The following TRAPPC9 variants were observed in gnomAD, a reference collection of about 807,000 sequenced individuals.
TRAPPC9 encodes IKK2 binding protein.
TRAPPC9 carries 83 observed loss-of-function variants against 124.0 expected under a neutral mutation model. That is an observed-to-expected ratio of 0.67 (90% CI 0.56 to 0.80). TRAPPC9 has a LOEUF of 0.80. Ranked by LOEUF, TRAPPC9 falls within the 30% of genes least tolerant of loss-of-function variation. The pLI, the probability that TRAPPC9 is intolerant of heterozygous loss-of-function variation, is 0.00. For missense variants in TRAPPC9, 1,302 were observed against 1,508.3 expected (o/e 0.86, Z 2.27); for synonymous variants, 638 against 617.5 (o/e 1.03, Z -0.49).
At chr8:140,033,681 T>TTTTTTTG (rs1840679779) in intron 17 of TRAPPC9, among the ~76,000 whole-genome samples, 1 of 117,320 alleles carries the variant, frequency 8.5e-6, no homozygotes, top group Non-Finnish European at 1.7e-5. Context: ...TTTTTTTTTT[T>TTTTTTTG]TTTTTTTTTT....
intron 18 of TRAPPC9, among the ~76,000 whole-genome samples, chr8:139,996,176 A>AAAAAAAAAAAAAG (rs1563675087): frequency 3.5e-5 from 5 of 144,810 alleles, no homozygotes; most frequent in Non-Finnish European, 6.1e-5. Flanking sequence ...AAAAAAAAAA[A>AAAAAAAAAAAAAG]AAAAAAGAAA....
intron 7 of TRAPPC9, among the ~76,000 whole-genome samples, chr8:140,389,376 T>C (rs1326430182): frequency 6.6e-6 from 1 of 152,092 alleles, no homozygotes; most frequent in African/African-American, 2.4e-5. Context: ...TATAAAACAA[T>C]AAAAGCAATC....
chr8:140,311,210 G>A (rs2066286692), intron 10 of TRAPPC9, 38 bp downstream of exon 10: 3 of 1,604,786 alleles, frequency 1.9e-6, no homozygotes, highest in Non-Finnish European at 2.5e-6. Context: ...GTGTCCCAGA[G>A]GGCAGCTGCC....
chr8:139,887,147 C>T (rs1038658356), intron 20 of TRAPPC9, among the ~76,000 whole-genome samples: 2 of 151,850 alleles, frequency 1.3e-5, no homozygotes, highest in Non-Finnish European at 2.9e-5. Flanking sequence ...AGCAGCAGGA[C>T]AGGCTAAGGT....
intron 18 of TRAPPC9, among the ~76,000 whole-genome samples, chr8:140,005,541 T>C (rs1838693247): frequency 6.6e-6 from 1 of 152,142 alleles, no homozygotes; most frequent in Admixed American, 6.5e-5. Flanking sequence ...CTAGTCACTG[T>C]GAACAGTGTT....
intron 5 of TRAPPC9, among the ~76,000 whole-genome samples, chr8:140,407,694 G>A (rs958626052): frequency 1.3e-5 from 2 of 152,060 alleles, no homozygotes; most frequent in Admixed American, 6.6e-5. Flanking sequence ...ATCTCAGCTC[G>A]CTACAACCCC....
At chr8:140,284,790 C>A (rs75397196) in intron 13 of TRAPPC9, among the ~76,000 whole-genome samples, 4,194 of 152,308 alleles carry the variant, frequency 0.028, 193 homozygotes, top group African/African-American at 0.095. Flanking sequence ...GGACCTTACA[C>A]AGCCTCAGTC....
intron 2 of TRAPPC9, among the ~76,000 whole-genome samples, chr8:140,449,814 TA>T (rs2071393112): frequency 6.6e-6 from 1 of 152,228 alleles, no homozygotes; most frequent in African/African-American, 2.4e-5. Flanking sequence ...ACCTAGCCCT[TA>T]CCTCTCCAGA....
In TRAPPC9 at chr8:139,833,503, C is replaced by A. The variant is rs185874165; in HGVS notation, c.3055+52376G>T. Among the ~76,000 whole-genome samples the A allele has an allele frequency of 3.9e-5, 6 of 152,222 alleles. No individual in the cohort carries two copies. In the East Asian group the frequency reaches 1.2e-3, roughly 29 times the overall value. On this transcript the variant is annotated intron_variant, in intron 21 of 22. Coordinates refer to ENST00000438773, the MANE Select transcript of TRAPPC9 (RefSeq NM_001160372.4). ...GAGCTGGTCACGAAGAATCCGGCCA[C>A]GGCACCTGGCTGACTTCAGAGGTTG...
intron 19 of TRAPPC9, among the ~76,000 whole-genome samples, chr8:139,947,376 G>A (rs951852817): frequency 1.1e-4 from 16 of 152,152 alleles, no homozygotes; most frequent in African/African-American, 3.6e-4. Context: ...AAGCAATGCT[G>A]TATTACTCAG....
chr8:139,853,114 G>A (rs1431161284), intron 21 of TRAPPC9, among the ~76,000 whole-genome samples: 1 of 152,188 alleles, frequency 6.6e-6, no homozygotes, highest in Non-Finnish European at 1.5e-5. Flanking sequence ...GTCAGCATGG[G>A]GACGCTCCAT....
chr8:139,975,508 C>G (rs973818977), intron 19 of TRAPPC9, among the ~76,000 whole-genome samples: 4 of 152,204 alleles, frequency 2.6e-5, no homozygotes, highest in Non-Finnish European at 5.9e-5. Context: ...GTCATTTATG[C>G]TACAGGTGAA....
chr8:140,326,628 C>A (rs187357283), intron 9 of TRAPPC9, among the ~76,000 whole-genome samples: 1 of 152,330 alleles, frequency 6.6e-6, no homozygotes, highest in East Asian at 1.9e-4. Context: ...GTAATCCCTG[C>A]ACTTTGGGAA....
At chr8:140,024,277 GCAC>G (rs945164762) in intron 17 of TRAPPC9, among the ~76,000 whole-genome samples, 198 bp from the exon 18 acceptor site, 2 of 152,070 alleles carry the variant, frequency 1.3e-5, no homozygotes, top group Non-Finnish European at 2.9e-5. Context: ...CCCCCAGCGG[GCAC>G]CATCTTACAC....
chr8:140,074,817 C>G (rs949085574), intron 17 of TRAPPC9, among the ~76,000 whole-genome samples: 1 of 152,150 alleles, frequency 6.6e-6, no homozygotes, highest in African/African-American at 2.4e-5. Flanking sequence ...ACGTCGGGCA[C>G]AGACAGGAAG....
At chr8:140,408,281 G>A (rs1051239154) in intron 5 of TRAPPC9, among the ~76,000 whole-genome samples, 3 of 152,080 alleles carry the variant, frequency 2.0e-5, no homozygotes, top group African/African-American at 7.2e-5. Context: ...GAGAAGTCAC[G>A]GGGAGGGGGG....
chr8:140,385,757 AT>A lies in TRAPPC9; in HGVS notation c.1134+11862del, dbSNP rs1323331145. ...AGAGGTATAAGGAGGAGCTGGTACCATTCCTTCTGAAACTATTCCAATCAAT... is the reference window on the plus strand; with the variant it reads ...AGAGGTATAAGGAGGAGCTGGTACCATCCTTCTGAAACTATTCCAATCAAT... On this transcript the variant is annotated intron_variant, in intron 7 of 22. Transcript: ENST00000438773. Among the ~76,000 whole-genome samples, 9 of 152,238 alleles carry A rather than the reference AT, an allele frequency of 5.9e-5. No homozygotes were observed. The South Asian group carries it at 1.2e-3, about 21-fold the overall frequency.
intron 3 of TRAPPC9, among the ~76,000 whole-genome samples, chr8:140,437,538 C>T (rs535195248): frequency 2.0e-5 from 3 of 152,284 alleles, no homozygotes; most frequent in Non-Finnish European, 2.9e-5. Context: ...GCAGGAGAAT[C>T]GCTTGAACCC....
intron 17 of TRAPPC9, among the ~76,000 whole-genome samples, chr8:140,189,899 T>C (rs767931235): frequency 5.3e-5 from 8 of 152,194 alleles, no homozygotes; most frequent in Non-Finnish European, 7.3e-5. Flanking sequence ...AGCAGCCACA[T>C]ATGCCAGTCC....
Sources: gnomAD v4.1 joint callset for allele counts (sites outside exome capture counted in the v4.1 genomes callset) on GRCh38, gnomAD v4.1.1 for gene constraint, MANE v1.5 for transcripts, NCBI Gene and HGNC (gene_info 2026-07-23, HGNC 2026-07-21) for gene names.